Variants in SYT12 observed in about 807,000 individuals in gnomAD.
The protein encoded by SYT12 is synaptotagmin-12.
Under a neutral mutation model 39.5 loss-of-function variants are expected in SYT12, and 27 were observed. The observed-to-expected ratio is 0.68, with a 90% confidence interval of 0.50 to 0.94. The LOEUF (loss-of-function observed/expected upper bound fraction) is 0.94, where lower values mean the gene tolerates loss of function less well. SYT12 is among the 40% of genes least tolerant of loss of function. The pLI is 0.00. For missense variants in SYT12, 536 were observed against 572.6 expected (o/e 0.94, Z 0.65); for synonymous variants, 233 against 239.7 (o/e 0.97, Z 0.26).
rs1950475248 is a variant in SYT12 at position 67,040,053 on chromosome 11, G to A, written c.471G>A (p.Glu157=). ...FGQDFTLGQV[E]VSMEYDTASH... Reference sequence around the variant, plus strand: ...AGGACTTCACACTGGGCCAGGTGGAGGTGAGCATGGAGTACGACACTGCCT... The same window carrying A: ...AGGACTTCACACTGGGCCAGGTGGAAGTGAGCATGGAGTACGACACTGCCT... The change falls in exon 4 of 8, where the codon GAG becomes GAA. Residue 157 remains glutamate (E), a synonymous_variant. Transcript: ENST00000527043. 6 of 1,614,034 alleles carry A rather than the reference G, an allele frequency of 3.7e-6. No individual in the cohort carries two copies. Among genetic ancestry groups the A allele is most frequent in the Non-Finnish European group, 5.1e-6 (6 of 1,180,034 alleles).
At chr11:67,022,541 C>T (rs1345156295), upstream of SYT12, among the ~76,000 whole-genome samples, 1 of 152,278 alleles carries the variant, frequency 6.6e-6, no homozygotes, top group African/African-American at 2.4e-5. Context: ...GCACTGTGCC[C>T]AGCCCCTGCG....
At chr11:67,022,475 C>T (rs986421091), upstream of SYT12, among the ~76,000 whole-genome samples, 6 of 152,234 alleles carry the variant, frequency 3.9e-5, no homozygotes, top group Admixed American at 1.3e-4. Context: ...CCAGACTGCG[C>T]GGGCAGGGAG....
At chr11:67,041,728 C>G (rs1418608929) in intron 4 of SYT12, among the ~76,000 whole-genome samples, 1 of 152,140 alleles carries the variant, frequency 6.6e-6, no homozygotes, top group Non-Finnish European at 1.5e-5. Context: ...ATGGTCATCC[C>G]GCAACAATAC....
Position 67,039,848 on chromosome 11 carries a change from G to T in SYT12, c.266G>T (p.Arg89Leu), listed in dbSNP as rs200281326. 1 of 1,612,672 alleles carries T rather than the reference G, an allele frequency of 6.2e-7. No individual in the cohort carries two copies. The highest frequency in any genetic ancestry group is 1.1e-5 in the South Asian group (1 of 91,072). ...PAWNAQRAST[R>L]GPPSRKGSLS... ...TGGAATGCCCAGCGGGCCAGCACGCGGGGACCACCCAGCCGCAAAGGCAGT... is the reference window on the plus strand; with the variant it reads ...TGGAATGCCCAGCGGGCCAGCACGCTGGGACCACCCAGCCGCAAAGGCAGT... Residue 89 changes from arginine (R) to leucine (L), a missense_variant, in exon 4 of 8, where the codon CGG becomes CTG. Transcript: ENST00000527043.
At chr11:67,047,952 T>A (rs959613613) in intron 7 of SYT12, among the ~76,000 whole-genome samples, 4 of 149,192 alleles carry the variant, frequency 2.7e-5, no homozygotes, top group Non-Finnish European at 5.9e-5. Flanking sequence ...CAGGCCGGGC[T>A]AATTTTTTTT....
chr11:67,039,778 T>C (rs1181004641), intron 3 of SYT12, 33 bp from the exon 4 acceptor site: 2 of 1,574,370 alleles, frequency 1.3e-6, no homozygotes, highest in African/African-American at 1.3e-5. Flanking sequence ...ATGGCCCCCA[T>C]GATGCTCCCA....
chr11:67,008,281 C>T (rs1175340614), intron 1 of SYT12, among the ~76,000 whole-genome samples: 1 of 152,100 alleles, frequency 6.6e-6, no homozygotes, highest in African/African-American at 2.4e-5. Context: ...CTGATTTTTC[C>T]TCCTTTCAGT....
rs1026692384 is a variant in SYT12 at position 67,048,611 on chromosome 11, G to A, written c.1120G>A (p.Glu374Lys). The A allele has an allele frequency of 1.2e-6, 2 of 1,604,716 alleles. No individual in the cohort carries two copies. Among genetic ancestry groups the A allele is most frequent in the African/African-American group, 2.7e-5 (2 of 74,792 alleles). Residue 374 changes from glutamate (E) to lysine (K), a missense_variant, in exon 8 of 8, where the codon GAG becomes AAG. Transcript: ENST00000527043. ...QDLSLRVTVAESSSDGRGDNV... is the reference protein window; with the variant it reads ...QDLSLRVTVAKSSSDGRGDNV... ...CCTGTCTCTCCGCGTGACGGTGGCT[G>A]AGAGCAGCAGCGACGGCCGTGGGGA... is the stretch of plus-strand genomic sequence containing the variant.
intron 2 of SYT12, among the ~76,000 whole-genome samples, chr11:67,010,404 G>C (rs1950005169): frequency 6.6e-6 from 1 of 152,152 alleles, no homozygotes; most frequent in Non-Finnish European, 1.5e-5. Context: ...CCAAGGGCTG[G>C]GCAGGAGAGA....
At chr11:67,020,386 G>A (rs1950097157), upstream of SYT12, among the ~76,000 whole-genome samples, 1 of 152,196 alleles carries the variant, frequency 6.6e-6, no homozygotes, top group Non-Finnish European at 1.5e-5. Flanking sequence ...CCCCAGAAAG[G>A]AGTTTGGCTT....
At chr11:67,036,932 G>A (rs1340574322) in intron 3 of SYT12, among the ~76,000 whole-genome samples, 1 of 152,214 alleles carries the variant, frequency 6.6e-6, no homozygotes, top group Non-Finnish European at 1.5e-5. Flanking sequence ...AATTAGCCAA[G>A]TGTGGTGGCG....
chr11:67,026,056 C>A (rs1011618466), intron 1 of SYT12, among the ~76,000 whole-genome samples: 3 of 150,754 alleles, frequency 2.0e-5, no homozygotes, highest in Non-Finnish European at 3.0e-5. Flanking sequence ...AACTCCGTCT[C>A]AAAAAAATAA....
chr11:67,038,766 A>G, intron 3 of SYT12, among the ~76,000 whole-genome samples: 1 of 151,548 alleles, frequency 6.6e-6, no homozygotes, highest in East Asian at 2.0e-4. Flanking sequence ...AGGCAGGCAG[A>G]TCACAAGGTC....
chr11:67,028,443 C>A (rs1248369463), intron 1 of SYT12: 2 of 152,190 alleles, frequency 1.3e-5, no homozygotes, highest in Non-Finnish European at 2.9e-5. Flanking sequence ...CTTATCTGAC[C>A]TGCTTCTAGA....
intron 2 of SYT12, among the ~76,000 whole-genome samples, chr11:67,033,135 CG>C (rs1222877664): frequency 6.6e-6 from 1 of 151,982 alleles, no homozygotes; most frequent in African/African-American, 2.4e-5. Flanking sequence ...CCTCTAGCCC[CG>C]GGTCCCCTCC....
chr11:67,048,848 C>A lies in SYT12; in HGVS notation c.*91C>A, dbSNP rs1854661601. Reference sequence around the variant, plus strand: ...TGCCCTCTCCATAGCCCAGCTGGAGCCGTGAACACTGGGGTCCCCTGGCAG... The same window carrying A: ...TGCCCTCTCCATAGCCCAGCTGGAGACGTGAACACTGGGGTCCCCTGGCAG... On this transcript the variant is annotated 3_prime_UTR_variant, in exon 8 of 8. Transcript: ENST00000527043. 3.3e-5 allele frequency: 47 copies of A among 1,433,650 alleles called. No individual in the cohort carries two copies. Among genetic ancestry groups the A allele is most frequent in the Non-Finnish European group, 4.2e-5 (45 of 1,064,370 alleles). 88.8% of individuals were successfully genotyped at this position (1,433,650 alleles called of 1,614,324 possible).
At chr11:67,030,756 A>G (rs2136211144) in intron 2 of SYT12, 1 of 152,416 alleles carries the variant, frequency 6.6e-6, no homozygotes, top group South Asian at 2.1e-4. Context: ...CAGCAGGGAG[A>G]TGGGAGCTGG....
intron 3 of SYT12, among the ~76,000 whole-genome samples, chr11:67,035,810 C>CTTCCTTCT (rs1950360238): frequency 4.4e-5 from 3 of 68,814 alleles, no homozygotes; most frequent in Non-Finnish European, 8.1e-5. Context: ...TCCTTCCTTC[C>CTTCCTTCT]TTCCTTCCTT....
intron 3 of SYT12, among the ~76,000 whole-genome samples, chr11:67,038,145 C>CTATTTATTTATTTATTTATT (rs34884260): frequency 6.8e-6 from 1 of 147,832 alleles, no homozygotes; most frequent in Non-Finnish European, 1.5e-5. Flanking sequence ...GAAAATAAAA[C>CTATTTATTTATTTATTTATT]TATTTATTTA....
Sources: gnomAD v4.1 joint callset for allele counts (sites outside exome capture counted in the v4.1 genomes callset) on GRCh38, gnomAD v4.1.1 for gene constraint, MANE v1.5 for transcripts, NCBI Gene and HGNC (gene_info 2026-07-23, HGNC 2026-07-21) for gene names.